Variants in PTPRG observed in about 807,000 individuals in gnomAD.
PTPRG encodes protein tyrosine phosphatase receptor type G.
PTPRG carries 102 observed loss-of-function variants against 165.3 expected under a neutral mutation model. The ratio of observed to expected loss-of-function variants is 0.62; its 90% CI spans 0.53 to 0.73. The LOEUF (loss-of-function observed/expected upper bound fraction) is 0.73, where lower values mean the gene tolerates loss of function less well. Ranked by LOEUF, PTPRG falls within the 30% of genes least tolerant of loss-of-function variation. The pLI is 0.00. For missense variants in PTPRG, 1,866 were observed against 1,861.4 expected (o/e 1.00, Z -0.05); for synonymous variants, 675 against 669.5 (o/e 1.01, Z -0.13).
chr3:61,948,669 A>G, intron 2 of PTPRG, among the ~76,000 whole-genome samples: 1 of 152,120 alleles, frequency 6.6e-6, no homozygotes, highest in Admixed American at 6.6e-5. Flanking sequence ...GGAGGGATGG[A>G]GAGAGGTTTG....
chr3:61,912,555 T>C (rs1016330285), intron 2 of PTPRG, among the ~76,000 whole-genome samples: 210 of 152,344 alleles, frequency 1.4e-3, no homozygotes, highest in Non-Finnish European at 1.8e-3. Context: ...TTGGTCATCA[T>C]GATTGATTTT....
rs533039706 is a variant in PTPRG, at chr3:61,738,119, C to T, written c.86-10759C>T. Reference sequence around the variant, plus strand: ...CAGAGATGGGGTTTCACCGTGGTCTCGATCTCCTGACCTCGTGATCCACCC... The same window carrying T: ...CAGAGATGGGGTTTCACCGTGGTCTTGATCTCCTGACCTCGTGATCCACCC... On this transcript the variant is annotated intron_variant, in intron 1 of 29. Transcript: ENST00000474889. Among the ~76,000 whole-genome samples the T allele has an allele frequency of 5.4e-5, 8 of 149,480 alleles. No individual in the cohort carries two copies. In the East Asian group the frequency reaches 9.8e-4, roughly 18 times the overall value.
At position 61,844,614 on chromosome 3, in the gene PTPRG, C is replaced by CCTCCCAATTCAGT. The variant is rs66728760; in HGVS notation, c.190+95639_190+95640insTTCAGTCTCCCAA. On this transcript the variant is annotated intron_variant, in intron 2 of 29. Coordinates refer to ENST00000474889, the MANE Select transcript of PTPRG (RefSeq NM_002841.4). ...CCTTGAACTCATGGGCTCAAGTAAT[C>CCTCCCAATTCAGT]CTCCCAAGTTGATGGGACTATAGGT... 6.6e-3 allele frequency among the ~76,000 whole-genome samples: 527 copies of CCTCCCAATTCAGT among 79,858 alleles called. 2 individuals carry two copies. The highest frequency in any genetic ancestry group is 0.044 in the African/African-American group (508 of 11,460). The allele number at this position is 79,858 out of a possible 152,430, so 52.4% of individuals were successfully genotyped here.
intron 5 of PTPRG, among the ~76,000 whole-genome samples, chr3:62,121,155 A>G (rs1354287433): frequency 2.0e-5 from 3 of 147,150 alleles, no homozygotes; most frequent in Non-Finnish European, 4.5e-5. Flanking sequence ...GGGTTTCACC[A>G]TGTTAGCCAG....
chr3:62,074,352 C>CTTTTTT (rs200189646), intron 4 of PTPRG, among the ~76,000 whole-genome samples: 58 of 109,096 alleles, frequency 5.3e-4, no homozygotes, highest in Non-Finnish European at 6.9e-4. Context: ...TCTTTTCTTT[C>CTTTTTT]TTTTTTTTTT....
chr3:62,038,098 G>C (rs748673638), intron 4 of PTPRG, among the ~76,000 whole-genome samples: 17 of 152,190 alleles, frequency 1.1e-4, no homozygotes, highest in Admixed American at 2.6e-4. Flanking sequence ...ATTTGGACAA[G>C]TTACTTAACC....
chr3:61,801,277 G>C (rs2035232761), intron 2 of PTPRG, among the ~76,000 whole-genome samples: 1 of 150,596 alleles, frequency 6.6e-6, no homozygotes, highest in Non-Finnish European at 1.5e-5. Flanking sequence ...CCACTGGGGA[G>C]GGTGGTGTGC....
intron 2 of PTPRG, among the ~76,000 whole-genome samples, chr3:61,974,789 C>G (rs1054029971): frequency 6.6e-6 from 1 of 152,086 alleles, no homozygotes; most frequent in African/African-American, 2.4e-5. Context: ...GGTCAAAGAT[C>G]CCAGTACTGG....
At chr3:61,641,366 G>C (rs1702055142) in intron 1 of PTPRG, among the ~76,000 whole-genome samples, 1 of 152,188 alleles carries the variant, frequency 6.6e-6, no homozygotes, top group Non-Finnish European at 1.5e-5. Context: ...AATCTCGGGA[G>C]GGCAAGACGC....
chr3:61,815,871 T>C (rs1173756592), intron 2 of PTPRG, among the ~76,000 whole-genome samples: 2 of 152,164 alleles, frequency 1.3e-5, no homozygotes, highest in Non-Finnish European at 2.9e-5. Context: ...ACATAACCAG[T>C]GTTTGGAAAT....
At chr3:61,698,408 C>T (rs1027204477) in intron 1 of PTPRG, among the ~76,000 whole-genome samples, 7 of 152,078 alleles carry the variant, frequency 4.6e-5, no homozygotes, top group African/African-American at 1.7e-4. Flanking sequence ...ATAGATAATG[C>T]ATAAGTGAAT....
Position 61,674,632 on chromosome 3 carries a change from G to A in PTPRG, c.86-74246G>A, listed in dbSNP as rs139673143. ...CTTCTGTTTGGTTTAGCAGATGTTTGTTGAGCAGCTGTTTGTTGAATTGGT... is the reference window on the plus strand; with the variant it reads ...CTTCTGTTTGGTTTAGCAGATGTTTATTGAGCAGCTGTTTGTTGAATTGGT... On this transcript the variant is annotated intron_variant, in intron 1 of 29. Transcript: ENST00000474889. Among the ~76,000 whole-genome samples, 40 of 151,668 alleles carry A rather than the reference G, an allele frequency of 2.6e-4. No homozygotes were observed. The East Asian group carries it at 6.6e-3, about 25-fold the overall frequency.
chr3:61,909,693 A>G (rs1369742234), intron 2 of PTPRG, among the ~76,000 whole-genome samples: 2 of 152,112 alleles, frequency 1.3e-5, no homozygotes, highest in Non-Finnish European at 2.9e-5. Flanking sequence ...ACCTCAACTG[A>G]AGTTTTAAAA....
chr3:62,276,930 T>A lies in PTPRG; in HGVS notation c.3560-42T>A, dbSNP rs1175080770. The A allele has an allele frequency of 4.6e-6, 7 of 1,518,766 alleles. No homozygotes were observed. In the South Asian group the frequency reaches 7.9e-5, roughly 17 times the overall value. 94.1% of individuals were successfully genotyped at this position (1,518,766 alleles called of 1,614,324 possible). ...GAAAGAGCTGTTGGTTCTGTGTGTA[T>A]AATAAGGCAAATGTGGTGTTTTTGT... On this transcript the variant is annotated intron_variant, in intron 24 of 29. Transcript: ENST00000474889.
intron 1 of PTPRG, among the ~76,000 whole-genome samples, chr3:61,609,095 T>C (rs4688640): frequency 0.65 from 98,217 of 151,978 alleles, 33,650 homozygotes; most frequent in South Asian, 0.85. Context: ...ACTATGACCT[T>C]TTCCATTTAT....
At chr3:62,102,428 A>G (rs927831208) in intron 5 of PTPRG, among the ~76,000 whole-genome samples, 1 of 152,088 alleles carries the variant, frequency 6.6e-6, no homozygotes, top group Non-Finnish European at 1.5e-5. Flanking sequence ...GCACGCCTCC[A>G]CGCCTGGCTG....
chr3:62,039,456 T>C lies in PTPRG; in HGVS notation c.519+35959T>C, dbSNP rs1288539460. On this transcript the variant is annotated intron_variant, in intron 4 of 29. Coordinates refer to ENST00000474889, the MANE Select transcript of PTPRG (RefSeq NM_002841.4). ...TTCTAATAAAACTGTGGAAACAAGA[T>C]GAGTAATTACTACACGAAAGCACAG... is the stretch of plus-strand genomic sequence containing the variant. Among the ~76,000 whole-genome samples, 4 of 152,268 alleles carry C rather than the reference T, an allele frequency of 2.6e-5. No homozygotes were observed. In the East Asian group the frequency reaches 5.8e-4, roughly 22 times the overall value.
chr3:62,039,424 T>G (rs918862062), intron 4 of PTPRG, among the ~76,000 whole-genome samples: 1 of 152,128 alleles, frequency 6.6e-6, no homozygotes. Context: ...GGAAAAAATA[T>G]CTTTTTTTCT....
At chr3:61,755,300 G>C (rs1292924732) in intron 2 of PTPRG, among the ~76,000 whole-genome samples, 2 of 152,066 alleles carry the variant, frequency 1.3e-5, no homozygotes, top group African/African-American at 4.8e-5. Context: ...GAGCCACTGC[G>C]CCCAGCCCTA....
Sources: allele counts gnomAD v4.1 joint callset (sites outside exome capture counted in the v4.1 genomes callset), GRCh38; gene constraint gnomAD v4.1.1; transcripts MANE v1.5; gene names NCBI Gene and HGNC (gene_info 2026-07-23, HGNC 2026-07-21).